SLC6A11: variants seen among roughly 807,000 people sequenced by gnomAD.
The protein encoded by SLC6A11 is solute carrier family 6 member 11.
SLC6A11 carries 25 observed loss-of-function variants against 74.8 expected under a neutral mutation model. The ratio of observed to expected loss-of-function variants is 0.33; its 90% CI spans 0.24 to 0.47. The LOEUF (loss-of-function observed/expected upper bound fraction) is 0.47, where lower values mean the gene tolerates loss of function less well. Among genes scored for constraint, SLC6A11 ranks in the 20% least tolerant of loss-of-function variants. The pLI is 1.00. For synonymous variants in SLC6A11, 330 were observed against 330.2 expected (o/e 1.00, Z 0.01); for missense variants, 574 against 837.0 (o/e 0.69, Z 3.88).
intron 6 of SLC6A11, among the ~76,000 whole-genome samples, chr3:10,906,574 A>T (rs1256191839): frequency 6.6e-6 from 1 of 152,222 alleles, no homozygotes; most frequent in Non-Finnish European, 1.5e-5. Context: ...ACATCACCTC[A>T]AATGAGGAGG....
intron 5 of SLC6A11, among the ~76,000 whole-genome samples, chr3:10,850,548 C>T (rs768917386): frequency 2.4e-5 from 3 of 123,134 alleles, no homozygotes; most frequent in African/African-American, 4.0e-5. Flanking sequence ...GGCAGGTAAC[C>T]TCCTCAGAGA....
chr3:10,816,571 G>T lies in SLC6A11; in HGVS notation c.256+50G>T, dbSNP rs1449496205. 3 of 1,507,078 alleles carry T rather than the reference G, an allele frequency of 2.0e-6. No homozygotes were observed. The highest frequency in any genetic ancestry group is 2.7e-6 in the Non-Finnish European group (3 of 1,124,538). 93.4% of individuals were successfully genotyped at this position (1,507,078 alleles called of 1,614,324 possible). Reference sequence around the variant, plus strand: ...GAGGGGGCGCCAACCGCCCGGTGGGGGCGGGGAGCCAGGGGCGAGCGCGAG... The same window carrying T: ...GAGGGGGCGCCAACCGCCCGGTGGGTGCGGGGAGCCAGGGGCGAGCGCGAG... On this transcript the variant is annotated intron_variant, in intron 1 of 13. Coordinates refer to ENST00000254488, the MANE Select transcript of SLC6A11 (RefSeq NM_014229.3). This position sits in a 1 kb window ranked among gnomAD's most constrained non-coding sequence, Gnocchi z 4.2.
rs183630695 is a variant in SLC6A11 at position 10,830,434 on chromosome 3, A to G, written c.623+7042A>G. On this transcript the variant is annotated intron_variant, in intron 4 of 13. Coordinates refer to ENST00000254488, the MANE Select transcript of SLC6A11 (RefSeq NM_014229.3). Reference sequence around the variant, plus strand: ...CAGGTCTTTATTGAGCACCTACTATATGGCAGGTCTCATTGTAGGTTCTGG... The same window carrying G: ...CAGGTCTTTATTGAGCACCTACTATGTGGCAGGTCTCATTGTAGGTTCTGG... Among the ~76,000 whole-genome samples, 31 of 152,342 alleles carry G rather than the reference A, an allele frequency of 2.0e-4. No individual in the cohort carries two copies. The East Asian group carries it at 5.6e-3, about 27-fold the overall frequency.
At position 10,909,784 on chromosome 3, in the gene SLC6A11, C is replaced by T. The variant is rs188036307; in HGVS notation, c.892-2306C>T. On this transcript the variant is annotated intron_variant, in intron 6 of 13. Coordinates refer to ENST00000254488, the MANE Select transcript of SLC6A11 (RefSeq NM_014229.3). ...GGCCTTACTAAGCAGAACAGGCAAT[C>T]CACTGAGGTAGCAAATGGGGAAACT... is the stretch of plus-strand genomic sequence containing the variant. Among the ~76,000 whole-genome samples, 7 of 152,296 alleles carry T rather than the reference C, an allele frequency of 4.6e-5. No homozygotes were observed. In the East Asian group the frequency reaches 1.2e-3, roughly 25 times the overall value.
At chr3:10,896,844 C>A (rs879476786) in intron 6 of SLC6A11, among the ~76,000 whole-genome samples, 7 of 152,204 alleles carry the variant, frequency 4.6e-5, no homozygotes, top group Non-Finnish European at 7.3e-5. Flanking sequence ...AAGCCCCAAA[C>A]ACCTTTTGCC....
At chr3:10,933,070 C>T in intron 10 of SLC6A11, 81 bp from the exon 11 acceptor site, 2 of 951,062 alleles carry the variant, frequency 2.1e-6, no homozygotes, top group South Asian at 1.4e-5. Context: ...AGAGAGGGAC[C>T]TTCCTGAGGC....
intron 6 of SLC6A11, among the ~76,000 whole-genome samples, chr3:10,902,644 G>C (rs533665476): frequency 9.3e-4 from 141 of 152,326 alleles, no homozygotes; most frequent in African/African-American, 3.2e-3. Context: ...AAAGAGCAGA[G>C]CTCCAAGCTG....
Position 10,844,443 on chromosome 3 carries a change from A to G in SLC6A11, c.756+97A>G, listed in dbSNP as rs547355572. 48 of 1,482,334 alleles carry G rather than the reference A, an allele frequency of 3.2e-5. 1 individual carries two copies. In the East Asian group the frequency reaches 1.1e-3, roughly 34 times the overall value. 91.8% of individuals were successfully genotyped at this position (1,482,334 alleles called of 1,614,324 possible). A position where few individuals can be genotyped will look rare whatever the true frequency, so the allele number is the denominator to read the frequency against. On this transcript the variant is annotated intron_variant, in intron 5 of 13. Transcript: ENST00000254488. ...ACAGGGAGTTCATGTTGCAGAGGCC[A>G]GCACTTAAGTTGGGAGCGGGGAGGA...
At position 10,894,210 on chromosome 3, in the gene SLC6A11, G is replaced by A. The variant is rs920629526; in HGVS notation, c.892-17880G>A. On this transcript the variant is annotated intron_variant, in intron 6 of 13. Transcript: ENST00000254488. ...TGGCTTATGTGAACCAGGATGCTCC[G>A]TTAGTCAGATTCCCAGGGAACTGGC... 9.2e-5 allele frequency among the ~76,000 whole-genome samples: 14 copies of A among 152,150 alleles called. 1 individual carries two copies. Among genetic ancestry groups the A allele is most frequent in the Admixed American group, 2.0e-4 (3 of 15,274 alleles).
At position 10,918,784 on chromosome 3, in the gene SLC6A11, G is replaced by A. The variant is rs1169692908; in HGVS notation, c.1120+331G>A. 2.0e-5 allele frequency among the ~76,000 whole-genome samples: 3 copies of A among 151,960 alleles called. No homozygotes were observed. Among genetic ancestry groups the A allele is most frequent in the Admixed American group, 1.3e-4 (2 of 15,266 alleles). On this transcript the variant is annotated intron_variant, in intron 8 of 13. Transcript: ENST00000254488. This position sits in a 1 kb window ranked among gnomAD's most constrained non-coding sequence, Gnocchi z 4.5. The stretch of plus-strand genomic sequence containing the variant: ...GCTCAGAAACCTTTCCCTGGACTCT[G>A]TGCCTCTGCTGTTGTCACTTCCACT...
chr3:10,865,450 T>G (rs1446567694), intron 5 of SLC6A11, among the ~76,000 whole-genome samples: 1 of 152,130 alleles, frequency 6.6e-6, no homozygotes, highest in Non-Finnish European at 1.5e-5. Context: ...GATCACGAGG[T>G]CAGGAGATCG....
chr3:10,911,123 C>T (rs146540935), intron 6 of SLC6A11, among the ~76,000 whole-genome samples: 46 of 152,336 alleles, frequency 3.0e-4, no homozygotes, highest in African/African-American at 1.1e-3. Context: ...CCACCATGCC[C>T]GGCCGGGTTG....
intron 6 of SLC6A11, among the ~76,000 whole-genome samples, chr3:10,910,019 C>A (rs551283630): frequency 1.3e-5 from 2 of 152,282 alleles, no homozygotes; most frequent in East Asian, 3.9e-4. Context: ...CTTGTCTTTC[C>A]TCTTTCCAGT....
At chr3:10,894,815 A>C (rs930815053) in intron 6 of SLC6A11, among the ~76,000 whole-genome samples, 7 of 152,240 alleles carry the variant, frequency 4.6e-5, no homozygotes, top group African/African-American at 1.7e-4. Context: ...CCACAAAAAA[A>C]CCAAGGCAAT....
chr3:10,868,749 A>G (rs183544209), intron 5 of SLC6A11, among the ~76,000 whole-genome samples: 7 of 152,318 alleles, frequency 4.6e-5, no homozygotes, highest in Admixed American at 4.6e-4. Flanking sequence ...AGTTCAGCAT[A>G]ATGCCTGAAC....
intron 5 of SLC6A11, among the ~76,000 whole-genome samples, chr3:10,869,989 C>T (rs1023034525): frequency 1.8e-4 from 27 of 152,104 alleles, no homozygotes; most frequent in African/African-American, 5.8e-4. Context: ...TGAGTGACAA[C>T]CTGGAGGTTC....
At chr3:10,935,002 C>T in intron 12 of SLC6A11, 27 bp from the exon 13 acceptor site, 1 of 1,603,362 alleles carries the variant, frequency 6.2e-7, no homozygotes, top group South Asian at 1.1e-5. Context: ...GCCCATCCCC[C>T]AGGCACCTGC....
rs1447250893 is a variant in SLC6A11 at position 10,918,890 on chromosome 3, G to A, written c.1120+437G>A. Among the ~76,000 whole-genome samples, 1 of 151,346 alleles carries A rather than the reference G, an allele frequency of 6.6e-6. No individual in the cohort carries two copies. Among genetic ancestry groups the A allele is most frequent in the Non-Finnish European group, 1.5e-5 (1 of 67,870 alleles). On this transcript the variant is annotated intron_variant, in intron 8 of 13. Transcript: ENST00000254488. The surrounding 1 kb of genome is among the most constrained non-coding windows in gnomAD (Gnocchi z 4.5). ...TCTTCTCTGATGAAAAGCCTTTCTT[G>A]GCTTCTCATAGTGCTGGACTCAGCG...
intron 6 of SLC6A11, among the ~76,000 whole-genome samples, chr3:10,878,394 T>C (rs1694936186): frequency 6.8e-6 from 1 of 146,032 alleles, no homozygotes; most frequent in South Asian, 2.2e-4. Context: ...TGACCAACCA[T>C]CCACTCATCC....
Sources: allele counts gnomAD v4.1 joint callset (sites outside exome capture counted in the v4.1 genomes callset), GRCh38; gene constraint gnomAD v4.1.1; non-coding constraint Gnocchi (gnomAD v3.1); transcripts MANE v1.5; gene names NCBI Gene and HGNC (gene_info 2026-07-23, HGNC 2026-07-21).